PRKCE: variants seen among roughly 807,000 people sequenced by gnomAD.
PRKCE encodes the protein protein kinase C epsilon type.
In PRKCE, 16 loss-of-function variants were observed where a neutral mutation model predicts 85.4. That is an observed-to-expected ratio of 0.19 (90% confidence interval 0.13 to 0.28). PRKCE has a LOEUF of 0.28. Among genes scored for constraint, PRKCE ranks in the 10% least tolerant of loss-of-function variants. The pLI, the probability that PRKCE is intolerant of heterozygous loss-of-function variation, is 1.00. For missense variants in PRKCE, 573 were observed against 975.2 expected (o/e 0.59, Z 5.49); for synonymous variants, 388 against 371.5 (o/e 1.04, Z -0.51).
At chr2:46,163,844 G>C (rs1010060008) in intron 14 of PRKCE, among the ~76,000 whole-genome samples, 24 of 149,210 alleles carry the variant, frequency 1.6e-4, no homozygotes, top group African/African-American at 6.0e-4. Context: ...GCCACTGAGA[G>C]ACACAGGGAA....
At chr2:45,688,158 C>G (rs570249601) in intron 1 of PRKCE, among the ~76,000 whole-genome samples, 5 of 152,340 alleles carry the variant, frequency 3.3e-5, no homozygotes, top group Admixed American at 3.3e-4. Context: ...ACCTGTTACA[C>G]AGTCCATCAG....
chr2:45,887,434 T>C (rs1471350175), intron 2 of PRKCE, among the ~76,000 whole-genome samples: 1 of 151,998 alleles, frequency 6.6e-6, no homozygotes, highest in Non-Finnish European at 1.5e-5. Flanking sequence ...AAGGGATTTA[T>C]TATAAGGAAT....
chr2:45,699,416 G>T, intron 1 of PRKCE, among the ~76,000 whole-genome samples: 1 of 152,264 alleles, frequency 6.6e-6, no homozygotes, highest in South Asian at 2.1e-4. Flanking sequence ...CTTGATCAGA[G>T]CTCAGTAAAG....
chr2:46,167,557 G>GGAGC (rs1406250749), intron 14 of PRKCE, among the ~76,000 whole-genome samples: 1 of 152,218 alleles, frequency 6.6e-6, no homozygotes, highest in African/African-American at 2.4e-5. Flanking sequence ...AGGCAGGGAA[G>GGAGC]GAGCACAGTT....
chr2:45,837,335 C>T (rs1573552781), intron 1 of PRKCE, among the ~76,000 whole-genome samples: 2 of 152,228 alleles, frequency 1.3e-5, no homozygotes, highest in Admixed American at 6.5e-5. Context: ...TGCCTCACTG[C>T]AGCCTCCGCC....
At chr2:46,124,106 C>G (rs1487486333) in intron 11 of PRKCE, among the ~76,000 whole-genome samples, 5 of 152,166 alleles carry the variant, frequency 3.3e-5, no homozygotes, top group Admixed American at 6.5e-5. Context: ...GGGCGGATCA[C>G]TGGAGGTCAG....
chr2:45,751,238 G>A (rs1056515468), intron 1 of PRKCE, among the ~76,000 whole-genome samples: 1 of 152,124 alleles, frequency 6.6e-6, no homozygotes, highest in Non-Finnish European at 1.5e-5. Context: ...GGGTTGTTCT[G>A]AGGATTGACT....
intron 1 of PRKCE, among the ~76,000 whole-genome samples, chr2:45,696,365 A>G (rs1678151200): frequency 6.6e-6 from 1 of 152,176 alleles, no homozygotes; most frequent in Admixed American, 6.5e-5. Flanking sequence ...TTTATAATTA[A>G]ATAAATTATA....
intron 1 of PRKCE, among the ~76,000 whole-genome samples, chr2:45,743,146 C>T (rs1682721208): frequency 2.0e-5 from 3 of 152,062 alleles, no homozygotes; most frequent in Non-Finnish European, 2.9e-5. Context: ...GGTCAAAGGG[C>T]ACAAACTTTC....
At chr2:45,977,879 A>G (rs1177039509) in intron 3 of PRKCE, among the ~76,000 whole-genome samples, 1 of 152,186 alleles carries the variant, frequency 6.6e-6, no homozygotes, top group African/African-American at 2.4e-5. Flanking sequence ...AAGCTGATGT[A>G]GAGGTTGCCT....
At chr2:45,863,571 G>C (rs1372029206) in intron 2 of PRKCE, among the ~76,000 whole-genome samples, 5 of 152,054 alleles carry the variant, frequency 3.3e-5, no homozygotes, top group African/African-American at 1.2e-4. Context: ...AGGAGTCACA[G>C]GCAGTCCCTA....
At chr2:46,182,792 C>T (rs754125603) in intron 14 of PRKCE, among the ~76,000 whole-genome samples, 4 of 152,242 alleles carry the variant, frequency 2.6e-5, no homozygotes, top group Non-Finnish European at 4.4e-5. Context: ...GCTGTCTCCA[C>T]CCATGCTTGC....
chr2:46,005,223 C>G (rs964445630), intron 8 of PRKCE, among the ~76,000 whole-genome samples: 8 of 152,214 alleles, frequency 5.3e-5, no homozygotes, highest in African/African-American at 1.9e-4. Flanking sequence ...ATATCTCCTT[C>G]TGTCCGACTG....
chr2:45,714,217 C>T (rs974843505), intron 1 of PRKCE, among the ~76,000 whole-genome samples: 1 of 152,078 alleles, frequency 6.6e-6, no homozygotes, highest in Non-Finnish European at 1.5e-5. Flanking sequence ...ATGAAACAAG[C>T]CAATACATAA....
At chr2:46,010,628 A>G (rs1363577810) in intron 10 of PRKCE, 111 bp downstream of exon 10, 10 of 1,599,172 alleles carry the variant, frequency 6.3e-6, no homozygotes, top group Non-Finnish European at 7.6e-6. Context: ...GTAAAGTGGG[A>G]TGGGTTTTAC....
intron 11 of PRKCE, among the ~76,000 whole-genome samples, chr2:46,105,833 GTTAA>G (rs1299177864): frequency 6.6e-6 from 1 of 152,156 alleles, no homozygotes; most frequent in East Asian, 1.9e-4. Flanking sequence ...ATGCAGTACA[GTTAA>G]TTTATGCAGT....
At chr2:45,888,100 A>G (rs138693690) in intron 2 of PRKCE, among the ~76,000 whole-genome samples, 98 of 152,358 alleles carry the variant, frequency 6.4e-4, no homozygotes, top group African/African-American at 2.2e-3. Context: ...TAGCCAGAAC[A>G]TGGAATCGTT....
intron 1 of PRKCE, among the ~76,000 whole-genome samples, chr2:45,698,562 G>A (rs535069936): frequency 6.6e-6 from 1 of 150,836 alleles, no homozygotes; most frequent in Non-Finnish European, 1.5e-5. Flanking sequence ...AAACAACAGT[G>A]AGCACAGAAA....
chr2:45,808,066 G>T (rs751223981), intron 1 of PRKCE, among the ~76,000 whole-genome samples: 14 of 152,122 alleles, frequency 9.2e-5, no homozygotes, highest in Non-Finnish European at 1.6e-4. Context: ...TGCTGATCAT[G>T]GTAGCGCATA....
Sources: gnomAD v4.1 joint callset for allele counts (sites outside exome capture counted in the v4.1 genomes callset) on GRCh38, gnomAD v4.1.1 for gene constraint, MANE v1.5 for transcripts, NCBI Gene and HGNC (gene_info 2026-07-23, HGNC 2026-07-21) for gene names.